Variants in PAH observed in about 807,000 individuals in gnomAD.
PAH encodes phenylalanine hydroxylase, also known as phenylalanine-4-hydroxylase.
PAH carries 64 observed loss-of-function variants against 62.0 expected under a neutral mutation model. The ratio of observed to expected loss-of-function variants is 1.03; its 90% confidence interval spans 0.84 to 1.27. The LOEUF (loss-of-function observed/expected upper bound fraction) is 1.27. PAH is among the 50% of genes most tolerant of loss of function. PAH has a pLI of 0.00. For synonymous variants in PAH, 195 were observed against 196.2 expected (o/e 0.99, Z 0.05); for missense variants, 579 against 542.8 (o/e 1.07, Z -0.66).
At position 102,863,598 on chromosome 12, in the gene PAH, A is replaced by T. The variant is rs74680049; in HGVS notation, c.509+2998T>A. On this transcript the variant is annotated intron_variant, in intron 5 of 12. Coordinates refer to ENST00000553106, the MANE Select transcript of PAH (RefSeq NM_000277.3). Reference sequence around the variant, plus strand: ...CTGTGGTTGACTTTGTTGGAAATAGACAGGACCTCTAATTGAGTTGGCGTA... The same window carrying T: ...CTGTGGTTGACTTTGTTGGAAATAGTCAGGACCTCTAATTGAGTTGGCGTA... Among the ~76,000 whole-genome samples, 1,094 of 152,288 alleles carry T rather than the reference A, an allele frequency of 7.2e-3. 7 individuals are homozygous for T. The highest frequency in any genetic ancestry group is 0.024 in the Middle Eastern group (7 of 294).
At chr12:102,939,493 C>A (rs186378798) in intron 1 of PAH, among the ~76,000 whole-genome samples, 1 of 152,186 alleles carries the variant, frequency 6.6e-6, no homozygotes, top group Non-Finnish European at 1.5e-5. Flanking sequence ...CCAGAAGCAA[C>A]TGACAACCCC....
At chr12:102,882,778 C>A (rs1876876441) in intron 3 of PAH, among the ~76,000 whole-genome samples, 1 of 151,544 alleles carries the variant, frequency 6.6e-6, no homozygotes, top group African/African-American at 2.4e-5. Flanking sequence ...CGTTGTGTAA[C>A]TGGCAAGTGT....
At chr12:102,895,768 T>C (rs1297491546) in intron 2 of PAH, among the ~76,000 whole-genome samples, 1 of 150,814 alleles carries the variant, frequency 6.6e-6, no homozygotes, top group African/African-American at 2.4e-5. Context: ...GACAGGGGAA[T>C]TGCTTGAACC....
chr12:102,928,415 T>C (rs1220537726), intron 1 of PAH, among the ~76,000 whole-genome samples: 1 of 152,156 alleles, frequency 6.6e-6, no homozygotes, highest in Admixed American at 6.5e-5. Flanking sequence ...TGTAGTCTTC[T>C]GGGATAGAAA....
chr12:102,922,611 C>T (rs1181752109), intron 1 of PAH, among the ~76,000 whole-genome samples: 1 of 152,076 alleles, frequency 6.6e-6, no homozygotes, highest in East Asian at 1.9e-4. Flanking sequence ...TGTGGATTAT[C>T]GTAATTTATT....
intron 2 of PAH, among the ~76,000 whole-genome samples, chr12:102,908,675 T>G (rs1344410145): frequency 6.6e-6 from 1 of 152,184 alleles, no homozygotes; most frequent in Non-Finnish European, 1.5e-5. Flanking sequence ...ATGAACATCT[T>G]ACATTAATGT....
intron 2 of PAH, 61 bp from the exon 3 acceptor site, chr12:102,894,979 G>T: frequency 8.1e-7 from 1 of 1,227,618 alleles, no homozygotes; most frequent in Non-Finnish European, 1.2e-6. Flanking sequence ...GGCCAAAGAT[G>T]CAGAACCAGA....
chr12:102,934,857 C>G (rs1879041454), intron 1 of PAH, among the ~76,000 whole-genome samples: 1 of 152,116 alleles, frequency 6.6e-6, no homozygotes, highest in South Asian at 2.1e-4. Flanking sequence ...ATGTCATCTA[C>G]AAATAAAGAT....
At chr12:102,863,631 A>G (rs1460047418) in intron 5 of PAH, among the ~76,000 whole-genome samples, 1 of 152,160 alleles carries the variant, frequency 6.6e-6, no homozygotes, top group Non-Finnish European at 1.5e-5. Flanking sequence ...GTATCAGCCT[A>G]GAGGTGCTAG....
intron 11 of PAH, among the ~76,000 whole-genome samples, chr12:102,841,390 G>A (rs1485242512): frequency 6.6e-6 from 1 of 152,068 alleles, no homozygotes; most frequent in Non-Finnish European, 1.5e-5. Context: ...GAGACAGTAG[G>A]GACCTCCAAG....
At chr12:102,863,463 G>A (rs1445181412) in intron 5 of PAH, among the ~76,000 whole-genome samples, 1 of 152,180 alleles carries the variant, frequency 6.6e-6, no homozygotes, top group Non-Finnish European at 1.5e-5. Context: ...ACCTTCAGAA[G>A]TGGGCATGTG....
At chr12:102,930,093 A>G (rs78074335) in intron 1 of PAH, among the ~76,000 whole-genome samples, 1 of 152,328 alleles carries the variant, frequency 6.6e-6, no homozygotes, top group East Asian at 1.9e-4. Context: ...TCTGTAAGGT[A>G]TAGATTGCTA....
At chr12:102,918,766 T>C (rs895586430), upstream of PAH, among the ~76,000 whole-genome samples, 8 of 152,290 alleles carry the variant, frequency 5.3e-5, no homozygotes, top group East Asian at 1.5e-3. Flanking sequence ...CTCAATGTTG[T>C]TAAATATTGA....
In PAH at chr12:102,917,106, G is replaced by T; in HGVS notation, c.25C>A (p.Pro9Thr). ...TCAGAGAGTTTCCTGCCCAAGCCTG[G>T]GTTTTCCAGGACCGCAGTGGACATG... MSTAVLEN[P>T]GLGRKLSDFG... Residue 9 changes from proline (P) to threonine (T), a missense_variant, in exon 1 of 13, where the codon CCA becomes ACA. By Grantham distance (38) the Pro-to-Thr change is conservative (BLOSUM62 -1). Transcript: ENST00000553106. 3 of 1,614,196 alleles carry T rather than the reference G, an allele frequency of 1.9e-6. No individual in the cohort carries two copies. The highest frequency in any genetic ancestry group is 2.2e-5 in the East Asian group (1 of 44,876).
At chr12:102,920,278 A>G (rs942341065), upstream of PAH, among the ~76,000 whole-genome samples, 2 of 152,244 alleles carry the variant, frequency 1.3e-5, no homozygotes, top group African/African-American at 2.4e-5. Flanking sequence ...TTGGAATGCA[A>G]TGTGCTGCTA....
At chr12:102,903,603 G>A (rs909506889) in intron 2 of PAH, among the ~76,000 whole-genome samples, 2 of 152,182 alleles carry the variant, frequency 1.3e-5, no homozygotes, top group Non-Finnish European at 2.9e-5. Flanking sequence ...GCACAAAAAA[G>A]TGGGTATGAC....
intron 2 of PAH, among the ~76,000 whole-genome samples, chr12:102,895,625 T>C (rs1164076139): frequency 6.6e-6 from 1 of 152,024 alleles, no homozygotes; most frequent in African/African-American, 2.4e-5. Flanking sequence ...GGTGGGCAGA[T>C]TGCCTGAGGT....
chr12:102,908,052 C>T (rs1878048221), intron 2 of PAH, among the ~76,000 whole-genome samples: 1 of 152,094 alleles, frequency 6.6e-6, no homozygotes, highest in Non-Finnish European at 1.5e-5. Context: ...CACTAACAAC[C>T]CTTCTTCAAT....
chr12:102,916,476 G>A (rs1482362575), intron 1 of PAH: 4 of 157,286 alleles, frequency 2.5e-5, no homozygotes, highest in Non-Finnish European at 5.6e-5. Flanking sequence ...TTATTTCCAA[G>A]TCACGTTTAG....
Sources: gnomAD v4.1 joint callset for allele counts (sites outside exome capture counted in the v4.1 genomes callset) on GRCh38, gnomAD v4.1.1 for gene constraint, MANE v1.5 for transcripts, NCBI Gene and HGNC (gene_info 2026-07-23, HGNC 2026-07-21) for gene names.